Variants in LAMA2 observed in about 807,000 individuals in gnomAD.
LAMA2 encodes laminin subunit alpha 2.
A neutral mutation model predicts 364.8 loss-of-function variants in LAMA2; 269 were observed. The ratio of observed to expected loss-of-function variants is 0.74; its 90% CI spans 0.67 to 0.82. LAMA2 has a LOEUF of 0.82. LAMA2 is among the 40% of genes least tolerant of loss of function. The probability of loss-of-function intolerance (pLI) is 0.00; values close to 1 mark genes in which losing one functional copy is unlikely to be tolerated. For missense variants in LAMA2, 3,807 were observed against 3,873.2 expected (o/e 0.98, Z 0.45); for synonymous variants, 1,379 against 1,370.6 (o/e 1.01, Z -0.14).
chr6:129,099,669 C>T (rs1210038105), intron 4 of LAMA2, among the ~76,000 whole-genome samples: 1 of 152,204 alleles, frequency 6.6e-6, no homozygotes, highest in African/African-American at 2.4e-5. Context: ...TATCTCTCAA[C>T]ACTTCTAGGG....
chr6:129,393,193 GATAAAA>G lies in LAMA2; in HGVS notation c.5384_5389del (p.Asp1795_Ile1797delinsVal). 6.2e-7 allele frequency: 1 copy of G among 1,614,084 alleles called. No homozygotes were observed. Among genetic ancestry groups the G allele is most frequent in the Non-Finnish European group, 8.5e-7 (1 of 1,179,970 alleles). On this transcript the variant is annotated inframe_deletion, in exon 37 of 65. Coordinates refer to ENST00000421865, the MANE Select transcript of LAMA2 (RefSeq NM_000426.4). ...TTGGGACCTTTTGAGAGAAGCCACA[GATAAAA>G]TCAGAGAAGCTAATCGCCTATTTGC...
rs75512710 is a variant in LAMA2 at position 129,445,288 on chromosome 6, G to C, written c.6275-379G>C. Among the ~76,000 whole-genome samples, 173 of 152,314 alleles carry C rather than the reference G, an allele frequency of 1.1e-3. 2 individuals are homozygous for C. In the East Asian group the frequency reaches 0.032, roughly 28 times the overall value. On this transcript the variant is annotated intron_variant, in intron 44 of 64. Coordinates refer to ENST00000421865, the MANE Select transcript of LAMA2 (RefSeq NM_000426.4). ...TTTAAATACAGTTCTGGCTTGGACA[G>C]ACTAGGTGACATTTTAAAGATGCTT...
rs373332016 is a variant in LAMA2, at chr6:129,029,628, A to G, written c.113-20290A>G. Among the ~76,000 whole-genome samples, 8 of 152,106 alleles carry G rather than the reference A, an allele frequency of 5.3e-5. No homozygotes were observed. The South Asian group carries it at 1.7e-3, about 32-fold the overall frequency. ...AGTTAGGAAATAACATAAAATTGGT[A>G]ATGATGAGCAATTTTCTTAATGGCT... On this transcript the variant is annotated intron_variant, in intron 1 of 64. Transcript: ENST00000421865.
At chr6:128,936,755 G>A (rs996484427) in intron 1 of LAMA2, among the ~76,000 whole-genome samples, 9 of 152,026 alleles carry the variant, frequency 5.9e-5, no homozygotes, top group African/African-American at 2.2e-4. Context: ...ATGATAAAAG[G>A]CCACCATGAT....
chr6:128,978,734 C>T (rs764837275), intron 1 of LAMA2, among the ~76,000 whole-genome samples: 1 of 152,172 alleles, frequency 6.6e-6, no homozygotes, highest in Non-Finnish European at 1.5e-5. Context: ...AAACAGGGTT[C>T]TCAATAGTGT....
Position 129,315,849 on chromosome 6 carries a change from A to T in LAMA2, c.3823A>T (p.Ile1275Phe). The change falls in exon 26 of 65, where the codon ATC (isoleucine) becomes TTC (phenylalanine). Residue 1275 changes from isoleucine (I) to phenylalanine (F), a missense_variant. Physicochemically the swap from Ile to Phe is conservative, Grantham distance 21. Around this residue, in one of 3 missense-constraint regions of LAMA2, gnomAD observed 3,333 missense variants for 3,345.7 expected, o/e 1.00. Transcript: ENST00000421865. ...TGFSTYNPQV[I>F]IRGGTPTHAR... ...TTTCTCTACATATAATCCTCAAGTG[A>T]TCATTCGAGGTGGGACACCTACTCA... The T allele has an allele frequency of 6.2e-7, 1 of 1,614,118 alleles. No homozygotes were observed. Among genetic ancestry groups the T allele is most frequent in the South Asian group, 1.1e-5 (1 of 91,086 alleles).
chr6:129,406,924 G>A (rs1780276361), intron 40 of LAMA2, among the ~76,000 whole-genome samples: 1 of 152,168 alleles, frequency 6.6e-6, no homozygotes, highest in Non-Finnish European at 1.5e-5. Context: ...TCAGTCTGTG[G>A]TTAAAGGCCT....
chr6:129,091,006 CTCAGGGTT>C (rs1279774936), intron 3 of LAMA2, among the ~76,000 whole-genome samples: 11 of 152,132 alleles, frequency 7.2e-5, no homozygotes, highest in Admixed American at 1.3e-4. Context: ...GCTCTTCCAT[CTCAGGGTT>C]TTCTTGCTTA....
intron 3 of LAMA2, among the ~76,000 whole-genome samples, chr6:129,080,551 A>T (rs1773979056): frequency 6.6e-6 from 1 of 152,180 alleles, no homozygotes; most frequent in African/African-American, 2.4e-5. Context: ...ACCAGAAAAA[A>T]ATCAAACTAC....
At chr6:129,065,873 T>C (rs1396271375) in intron 3 of LAMA2, among the ~76,000 whole-genome samples, 2 of 151,966 alleles carry the variant, frequency 1.3e-5, no homozygotes, top group East Asian at 3.9e-4. Context: ...GGTAGTTTTA[T>C]CAGGGGTTTC....
At chr6:129,200,450 A>ATATGTGTACACATATACATATATG (rs1782202838) in intron 12 of LAMA2, among the ~76,000 whole-genome samples, 5 of 145,112 alleles carry the variant, frequency 3.4e-5, no homozygotes, top group African/African-American at 5.2e-5. Context: ...ACATATATGT[A>ATATGTGTACACATATACATATATG]TATATATACA....
chr6:129,108,217 G>A (rs1268444314), intron 4 of LAMA2, among the ~76,000 whole-genome samples: 1 of 151,604 alleles, frequency 6.6e-6, no homozygotes, highest in Admixed American at 6.6e-5. Flanking sequence ...TCTGCTTCAA[G>A]CTTTATTCTG....
At chr6:129,093,559 C>T (rs574501531) in intron 3 of LAMA2, among the ~76,000 whole-genome samples, 2 of 152,058 alleles carry the variant, frequency 1.3e-5, no homozygotes, top group South Asian at 2.1e-4. Flanking sequence ...GATCATTGTC[C>T]GTTGCTTATT....
At chr6:129,409,305 G>A (rs575176668) in intron 40 of LAMA2, among the ~76,000 whole-genome samples, 2 of 152,312 alleles carry the variant, frequency 1.3e-5, no homozygotes, top group East Asian at 3.9e-4. Flanking sequence ...AACTGATCAT[G>A]GGGAACTCCC....
intron 12 of LAMA2, among the ~76,000 whole-genome samples, chr6:129,233,427 A>G (rs1413032493): frequency 6.6e-6 from 1 of 152,218 alleles, no homozygotes; most frequent in Non-Finnish European, 1.5e-5. Context: ...TAACATAAGC[A>G]ATTTATTAAC....
intron 4 of LAMA2, among the ~76,000 whole-genome samples, chr6:129,107,929 T>G (rs1214396703): frequency 6.6e-6 from 1 of 152,186 alleles, no homozygotes; most frequent in East Asian, 1.9e-4. Flanking sequence ...CTCCTAGCAG[T>G]TCCTGCTGAA....
rs1344402984 is a variant in LAMA2 at position 129,353,275 on chromosome 6, C to T, written c.4635C>T (p.Phe1545=). The part of the protein sequence containing the change: ...LPVPCDPVTG[F]CTCRPGATGR... ...TGCCCTGTGACCCTGTCACAGGATT[C>T]TGCACGTGCCGACCTGGAGCCACGG... The change falls in exon 32 of 65, where the codon TTC becomes TTT. Residue 1545 remains phenylalanine, a synonymous_variant. Coordinates refer to ENST00000421865, the MANE Select transcript of LAMA2 (RefSeq NM_000426.4). The T allele has an allele frequency of 4.3e-6, 7 of 1,614,104 alleles. No homozygotes were observed. In the South Asian group the frequency reaches 7.7e-5, roughly 18 times the overall value.
intron 1 of LAMA2, among the ~76,000 whole-genome samples, chr6:128,902,140 A>G (rs1368990469): frequency 2.0e-5 from 3 of 152,210 alleles, no homozygotes; most frequent in Non-Finnish European, 4.4e-5. Context: ...TGAGAACAGC[A>G]TGGGGGAATC....
chr6:129,119,177 T>C (rs976420484), intron 4 of LAMA2, among the ~76,000 whole-genome samples: 1 of 152,212 alleles, frequency 6.6e-6, no homozygotes, highest in Admixed American at 6.5e-5. Context: ...TTATATTACA[T>C]AGTTCTTGTT....
Sources: allele counts gnomAD v4.1 joint callset (sites outside exome capture counted in the v4.1 genomes callset), GRCh38; gene constraint gnomAD v4.1.1; regional missense constraint gnomAD v4.1.1; transcripts MANE v1.5; gene names NCBI Gene and HGNC (gene_info 2026-07-23, HGNC 2026-07-21).